SUSD1: variants seen among roughly 807,000 people sequenced by gnomAD.
SUSD1 encodes the protein sushi domain containing 1.
A neutral mutation model predicts 86.9 loss-of-function variants in SUSD1; 65 were observed. That is an observed-to-expected ratio of 0.75 (90% CI 0.61 to 0.92). The LOEUF (loss-of-function observed/expected upper bound fraction) is 0.92. Ranked by LOEUF, SUSD1 falls within the 40% of genes least tolerant of loss-of-function variation. The pLI, the probability that SUSD1 is intolerant of heterozygous loss-of-function variation, is 0.00. For synonymous variants in SUSD1, 346 were observed against 350.0 expected, an observed-to-expected ratio of 0.99 and a Z score of 0.13; for missense variants, 850 against 929.7, an observed-to-expected ratio of 0.91 and a Z score of 1.11.
At chr9:112,174,141 C>T (rs1301840274) in intron 1 of SUSD1, among the ~76,000 whole-genome samples, 2 of 152,214 alleles carry the variant, frequency 1.3e-5, no homozygotes, top group Non-Finnish European at 2.9e-5. Flanking sequence ...CGTGTGCTTC[C>T]TTCCCTTCTC....
chr9:112,115,585 T>A (rs1831277440), intron 6 of SUSD1, among the ~76,000 whole-genome samples: 1 of 151,940 alleles, frequency 6.6e-6, no homozygotes, highest in African/African-American at 2.4e-5. Flanking sequence ...GATGGGCATA[T>A]CACTTGAGGT....
At position 112,058,722 on chromosome 9, in the gene SUSD1, T is replaced by G. The variant is rs370221606; in HGVS notation, c.1851-36A>C. 3 of 1,601,618 alleles carry G rather than the reference T, an allele frequency of 1.9e-6. No homozygotes were observed. In the Admixed American group the frequency reaches 5.2e-5, roughly 28 times the overall value. ...AAAGGAGAAGTGTCCATCAGACCCT[T>G]GCATGGGGAGTTCATTCATTCATTC... On this transcript the variant is annotated intron_variant, in intron 13 of 16. Coordinates refer to ENST00000374270, the MANE Select transcript of SUSD1 (RefSeq NM_022486.5).
chr9:112,163,940 G>T (rs1833672983), intron 1 of SUSD1, among the ~76,000 whole-genome samples: 1 of 151,984 alleles, frequency 6.6e-6, no homozygotes, highest in Non-Finnish European at 1.5e-5. Flanking sequence ...GGCAGAGGTT[G>T]CAGTGAGCCA....
intron 3 of SUSD1, among the ~76,000 whole-genome samples, chr9:112,148,658 C>G (rs1273479402): frequency 1.3e-5 from 2 of 152,150 alleles, no homozygotes; most frequent in Non-Finnish European, 2.9e-5. Context: ...CTAATCCCAG[C>G]ACTTTGGGAG....
rs577825501 is a variant in SUSD1, at chr9:112,160,314, C to T, written c.104-2701G>A. ...ATCTCAGCACTTTGGGAGGCCAAGG[C>T]GGGTGGATCACTTGAGGTCAGGAGT... On this transcript the variant is annotated intron_variant, in intron 1 of 16. Coordinates refer to ENST00000374270, the MANE Select transcript of SUSD1 (RefSeq NM_022486.5). 3.9e-3 allele frequency among the ~76,000 whole-genome samples: 588 copies of T among 152,012 alleles called. 4 individuals are homozygous for T. The highest frequency in any genetic ancestry group is 0.014 in the African/African-American group (569 of 41,474).
chr9:112,065,021 A>G (rs532641223), intron 12 of SUSD1, among the ~76,000 whole-genome samples: 1 of 152,296 alleles, frequency 6.6e-6, no homozygotes, highest in African/African-American at 2.4e-5. Context: ...ATTATCTCAG[A>G]AAAACTCATT....
intron 10 of SUSD1, among the ~76,000 whole-genome samples, chr9:112,089,312 T>C (rs1193533101): frequency 2.0e-5 from 3 of 152,088 alleles, no homozygotes; most frequent in Non-Finnish European, 4.4e-5. Context: ...ACAATACATA[T>C]AGCAGTTGTA....
intron 6 of SUSD1, among the ~76,000 whole-genome samples, chr9:112,118,279 A>G (rs573292827): frequency 1.3e-5 from 2 of 152,322 alleles, no homozygotes; most frequent in South Asian, 4.1e-4. Flanking sequence ...ACACATGATG[A>G]TAATGGCAGC....
chr9:112,043,962 G>A (rs917007323), intron 15 of SUSD1, among the ~76,000 whole-genome samples: 5 of 152,042 alleles, frequency 3.3e-5, no homozygotes, highest in East Asian at 1.9e-4. Context: ...CACCACGCCC[G>A]GCTAGTTTTT....
chr9:112,142,920 A>G (rs1319780326), intron 4 of SUSD1, among the ~76,000 whole-genome samples: 1 of 134,388 alleles, frequency 7.4e-6, no homozygotes, highest in African/African-American at 2.8e-5. Context: ...CGGAATATCT[A>G]TTAACTGCTA....
At chr9:112,106,200 T>C (rs2131629216) in intron 8 of SUSD1, among the ~76,000 whole-genome samples, 1 of 152,134 alleles carries the variant, frequency 6.6e-6, no homozygotes, top group Middle Eastern at 3.4e-3. Context: ...ATGTTGACCC[T>C]GGCCTCAGGT....
intron 5 of SUSD1, among the ~76,000 whole-genome samples, chr9:112,132,774 T>C (rs1371559837): frequency 6.6e-6 from 1 of 152,246 alleles, no homozygotes; most frequent in Non-Finnish European, 1.5e-5. Context: ...AACATTATTT[T>C]AAACATTAAT....
chr9:112,041,097 T>G lies in SUSD1; in HGVS notation c.*395A>C. 2 of 300,662 alleles carry G rather than the reference T, an allele frequency of 6.7e-6. No homozygotes were observed. Among genetic ancestry groups the G allele is most frequent in the Non-Finnish European group, 6.2e-6 (1 of 161,686 alleles). The allele number at this position is 300,662 out of a possible 1,614,324, so 18.6% of individuals were successfully genotyped here. ...TTCTGAATGAATTAACAGAAATGCT[T>G]TTATATAGGAGGTTGCAGAGATTCT... On this transcript the variant is annotated 3_prime_UTR_variant, in exon 17 of 17. Transcript: ENST00000374270.
chr9:112,149,718 AC>A (rs1201352616), intron 2 of SUSD1, among the ~76,000 whole-genome samples: 1 of 152,174 alleles, frequency 6.6e-6, no homozygotes, highest in African/African-American at 2.4e-5. Context: ...TCAGAGGCCC[AC>A]GGAAACAAAC....
At chr9:112,087,018 T>C (rs7864948) in intron 10 of SUSD1, among the ~76,000 whole-genome samples, 76 of 150,116 alleles carry the variant, frequency 5.1e-4, no homozygotes, top group Middle Eastern at 3.6e-3. Flanking sequence ...AATATACATA[T>C]AAAATAAAAA....
chr9:112,160,503 C>A (rs1833518539), intron 1 of SUSD1, among the ~76,000 whole-genome samples: 1 of 152,108 alleles, frequency 6.6e-6, no homozygotes, highest in Non-Finnish European at 1.5e-5. Context: ...GAGATCACAC[C>A]ACTGCACTCT....
intron 3 of SUSD1, 71 bp from the exon 4 acceptor site, chr9:112,143,694 G>A: frequency 2.1e-6 from 3 of 1,444,120 alleles, no homozygotes; most frequent in Non-Finnish European, 2.8e-6. Flanking sequence ...AGAGGATATT[G>A]TGACAGCCAT....
chr9:112,078,316 C>G (rs1307755746), intron 12 of SUSD1, among the ~76,000 whole-genome samples: 7 of 152,186 alleles, frequency 4.6e-5, no homozygotes, highest in Admixed American at 1.3e-4. Context: ...TGCACTCCAG[C>G]CTGGGCGACA....
At chr9:112,041,824 C>A in intron 16 of SUSD1, 43 bp downstream of exon 16, 1 of 1,576,088 alleles carries the variant, frequency 6.3e-7, no homozygotes, top group South Asian at 1.1e-5. Flanking sequence ...ACCCATCCTC[C>A]CCTCCATTCC....
Sources: gnomAD v4.1 joint callset for allele counts (sites outside exome capture counted in the v4.1 genomes callset) on GRCh38, gnomAD v4.1.1 for gene constraint, MANE v1.5 for transcripts, NCBI Gene and HGNC (gene_info 2026-07-23, HGNC 2026-07-21) for gene names.